Variants in PRP4K observed in about 807,000 individuals in gnomAD.
The protein encoded by PRP4K is pre-mRNA processing factor kinase PRP4K.
At chr6:4,025,792 A>G in the PRP4K span, among the ~76,000 whole-genome samples, 2 of 152,326 alleles carry the variant, frequency 1.3e-5, no homozygotes, top group Non-Finnish European at 2.9e-5. Flanking sequence ...TAGAAAAGAT[A>G]AGGTTCAAAA....
At chr6:4,031,962 G>A in the PRP4K span, 4 of 1,613,990 alleles carry the variant, frequency 2.5e-6, no homozygotes, top group Non-Finnish European at 3.4e-6. Context: ...AGAAGAGGGG[G>A]AAATTCATGA....
chr6:4,052,161 G>A, the PRP4K span: 1 of 1,441,676 alleles, frequency 6.9e-7, no homozygotes. Context: ...TCTCATTTTG[G>A]ATAAATGCTG....
At chr6:4,030,003 C>T in the PRP4K span, among the ~76,000 whole-genome samples, 2 of 149,940 alleles carry the variant, frequency 1.3e-5, no homozygotes, top group Non-Finnish European at 2.9e-5. Flanking sequence ...AGTGCAATGG[C>T]GCAATCTTGG....
At chr6:4,053,026 T>C in the PRP4K span, among the ~76,000 whole-genome samples, 1 of 152,238 alleles carries the variant, frequency 6.6e-6, no homozygotes, top group African/African-American at 2.4e-5. Flanking sequence ...TTTATCTTTC[T>C]TGGAAATCGG....
the PRP4K span, among the ~76,000 whole-genome samples, chr6:4,040,009 C>T: frequency 1.9e-3 from 288 of 151,882 alleles, no homozygotes; most frequent in African/African-American, 6.6e-3. Flanking sequence ...GGAATCCTCC[C>T]GGTAGCTGGG....
chr6:4,056,841 TTTTTTAAGG>T, the PRP4K span: 1 of 1,073,286 alleles, frequency 9.3e-7, no homozygotes, highest in Non-Finnish European at 1.3e-6. Context: ...TACACCTCCA[TTTTTTAAGG>T]TTTTTAAGTT....
At chr6:4,058,593 A>G in the PRP4K span, 1 of 695,944 alleles carries the variant, frequency 1.4e-6, no homozygotes, top group African/African-American at 1.8e-5. Flanking sequence ...AATTCCTGGG[A>G]TCAAGGGAAT....
At chr6:4,036,497 C>T in the PRP4K span, among the ~76,000 whole-genome samples, 1 of 152,116 alleles carries the variant, frequency 6.6e-6, no homozygotes, top group Non-Finnish European at 1.5e-5. Flanking sequence ...GCTGGGATTA[C>T]AAGTGTGAGC....
At chr6:4,044,717 C>G in the PRP4K span, among the ~76,000 whole-genome samples, 13 of 152,158 alleles carry the variant, frequency 8.5e-5, no homozygotes, top group African/African-American at 3.1e-4. Flanking sequence ...GAACAGGAAC[C>G]AGCAAACTTT....
chr6:4,042,712 ATCT>A, the PRP4K span: 1 of 592,068 alleles, frequency 1.7e-6, no homozygotes, highest in Admixed American at 4.0e-5. Flanking sequence ...TGAAAAAATG[ATCT>A]TTTTTTAGTT....
At chr6:4,043,679 C>G in the PRP4K span, 1 of 838,350 alleles carries the variant, frequency 1.2e-6, no homozygotes, top group African/African-American at 1.7e-5. Flanking sequence ...TTGATTGAAC[C>G]AATAAATACC....
the PRP4K span, chr6:4,032,708 A>G: frequency 3.8e-6 from 6 of 1,592,186 alleles, no homozygotes; most frequent in Non-Finnish European, 5.1e-6. Flanking sequence ...GCCGATCCTT[A>G]GAAAGAAAAC....
chr6:4,041,308 A>G, the PRP4K span, among the ~76,000 whole-genome samples: 1 of 152,210 alleles, frequency 6.6e-6, no homozygotes, highest in Non-Finnish European at 1.5e-5. Flanking sequence ...AATTGAGGCT[A>G]TTTTGTGATG....
At chr6:4,027,124 G>C in the PRP4K span, among the ~76,000 whole-genome samples, 1 of 152,198 alleles carries the variant, frequency 6.6e-6, no homozygotes, top group Non-Finnish European at 1.5e-5. Flanking sequence ...ATTTCACAAA[G>C]AGTAGTGACA....
chr6:4,025,585 A>G, the PRP4K span, among the ~76,000 whole-genome samples: 2 of 152,316 alleles, frequency 1.3e-5, no homozygotes, highest in Middle Eastern at 3.4e-3. Context: ...TTCTTGAGAT[A>G]ATACTCATTA....
At chr6:4,048,553 T>C in the PRP4K span, among the ~76,000 whole-genome samples, 1 of 152,030 alleles carries the variant, frequency 6.6e-6, no homozygotes, top group Non-Finnish European at 1.5e-5. Flanking sequence ...TTTGAGTTAT[T>C]TTCTTTTTTT....
the PRP4K span, chr6:4,031,536 A>C: frequency 7.0e-7 from 1 of 1,425,028 alleles, no homozygotes. Context: ...TATGATTTTA[A>C]AATGTGTTTG....
chr6:4,030,307 GT>G, the PRP4K span, among the ~76,000 whole-genome samples: 3 of 152,112 alleles, frequency 2.0e-5, no homozygotes, highest in Non-Finnish European at 4.4e-5. Context: ...TTTTTTAAAT[GT>G]TAAAGAGATT....
chr6:4,031,654 A>G, the PRP4K span: 4 of 1,604,760 alleles, frequency 2.5e-6, no homozygotes, highest in South Asian at 1.1e-5. Context: ...CACAAAAAAA[A>G]GAAGCATAAA....
Sources: gnomAD v4.1 joint callset for allele counts (sites outside exome capture counted in the v4.1 genomes callset) on GRCh38, gnomAD v4.1.1 for gene constraint, MANE v1.5 for transcripts, NCBI Gene and HGNC (gene_info 2026-07-23, HGNC 2026-07-21) for gene names.